YY1: variants seen among roughly 807,000 people sequenced by gnomAD.
YY1 encodes YY1 transcription factor.
A neutral mutation model predicts 35.6 loss-of-function variants in YY1; 2 were observed. The observed-to-expected ratio is 0.06, with a 90% CI of 0.02 to 0.18. YY1 has a LOEUF of 0.18. YY1 is among the 10% of genes least tolerant of loss of function. The pLI is 1.00. For missense variants in YY1, 322 were observed against 573.4 expected, an observed-to-expected ratio of 0.56 and a Z score of 4.48; for synonymous variants, 268 against 238.9, an observed-to-expected ratio of 1.12 and a Z score of -1.12.
chr14:100,252,251 T>C (rs761388106), intron 1 of YY1, among the ~76,000 whole-genome samples: 2 of 152,230 alleles, frequency 1.3e-5, no homozygotes, highest in African/African-American at 4.8e-5. Flanking sequence ...GTCTACAAAC[T>C]CAGTCTTATG....
intron 1 of YY1, among the ~76,000 whole-genome samples, chr14:100,257,001 C>T (rs1017005339): frequency 1.3e-4 from 19 of 151,526 alleles, no homozygotes; most frequent in Non-Finnish European, 2.9e-5. Flanking sequence ...TTTTTGGTTT[C>T]TGATTCTGAA....
intron 1 of YY1, among the ~76,000 whole-genome samples, chr14:100,259,507 G>A (rs890424550): frequency 1.3e-5 from 2 of 151,322 alleles, no homozygotes; most frequent in African/African-American, 4.9e-5. Context: ...GTGACAGAGC[G>A]AGACTCCGTC....
rs1291937231 is a variant in YY1 at position 100,274,681 on chromosome 14, CTT to C, written c.843-13_843-12del. Reference sequence around the variant, plus strand: ...CACTCCTACAAATCTGTCTGTCTCTCTTTTTCTTTTGATAAGAATGAAGCCAA... The same window carrying C: ...CACTCCTACAAATCTGTCTGTCTCTCTTTCTTTTGATAAGAATGAAGCCAA... On this transcript the variant is annotated splice_polypyrimidine_tract_variant and intron_variant, in intron 2 of 4. Transcript: ENST00000262238. 1 of 1,610,512 alleles carries C rather than the reference CTT, an allele frequency of 6.2e-7. No homozygotes were observed. Among genetic ancestry groups the C allele is most frequent in the Non-Finnish European group, 8.5e-7 (1 of 1,176,802 alleles).
chr14:100,241,319 T>C (rs1267190527), intron 1 of YY1, among the ~76,000 whole-genome samples: 1 of 152,172 alleles, frequency 6.6e-6, no homozygotes, highest in African/African-American at 2.4e-5. Flanking sequence ...TATGGTGACC[T>C]TTGAGTATTA....
chr14:100,241,240 C>T (rs1278202408), intron 1 of YY1, among the ~76,000 whole-genome samples: 1 of 152,168 alleles, frequency 6.6e-6, no homozygotes, highest in African/African-American at 2.4e-5. Flanking sequence ...TCCATATAAG[C>T]GGTGGAACCT....
intron 2 of YY1, among the ~76,000 whole-genome samples, chr14:100,268,195 G>A (rs1891182416): frequency 6.6e-6 from 1 of 152,180 alleles, no homozygotes; most frequent in South Asian, 2.1e-4. Flanking sequence ...CTGTGCACTG[G>A]GGTGATGGGG....
chr14:100,251,785 CTCTT>C (rs1298873657), intron 1 of YY1, among the ~76,000 whole-genome samples: 2 of 152,058 alleles, frequency 1.3e-5, no homozygotes, highest in East Asian at 1.9e-4. Context: ...CCCTTTGCTT[CTCTT>C]TCTTCTCTTT....
chr14:100,257,571 T>C lies in YY1; in HGVS notation c.680-4733T>C, dbSNP rs1163613840. Among the ~76,000 whole-genome samples, 36 of 150,704 alleles carry C rather than the reference T, an allele frequency of 2.4e-4. 1 individual carries two copies. Among genetic ancestry groups the C allele is most frequent in the Non-Finnish European group, 5.9e-5 (4 of 68,036 alleles). Reference sequence around the variant, plus strand: ...ACCCTAATGCATGGGATTAGTGCCCTATAAAAGAGACTCCAGAGTGCTAGC... The same window carrying C: ...ACCCTAATGCATGGGATTAGTGCCCCATAAAAGAGACTCCAGAGTGCTAGC... On this transcript the variant is annotated intron_variant, in intron 1 of 4. Transcript: ENST00000262238.
intron 1 of YY1, among the ~76,000 whole-genome samples, chr14:100,242,308 C>T (rs1890759180): frequency 6.6e-6 from 1 of 151,096 alleles, no homozygotes; most frequent in Non-Finnish European, 1.5e-5. Context: ...AGGGGCTTGA[C>T]TGATGGAAGT....
intron 2 of YY1, among the ~76,000 whole-genome samples, chr14:100,269,406 C>T (rs1204288927): frequency 2.6e-5 from 4 of 152,172 alleles, no homozygotes; most frequent in Non-Finnish European, 5.9e-5. Flanking sequence ...CCCATACTGC[C>T]TCATTCATAA....
At chr14:100,254,815 C>T (rs1274964182) in intron 1 of YY1, among the ~76,000 whole-genome samples, 11 of 150,304 alleles carry the variant, frequency 7.3e-5, no homozygotes, top group South Asian at 6.3e-4. Context: ...CAGTGTCGCC[C>T]GGGCTAGAGT....
intron 1 of YY1, among the ~76,000 whole-genome samples, chr14:100,261,840 G>C (rs1050153775): frequency 6.6e-6 from 1 of 152,140 alleles, no homozygotes; most frequent in Non-Finnish European, 1.5e-5. Flanking sequence ...GGAAATGTGT[G>C]TGGTGTGAGT....
At chr14:100,272,696 G>A (rs1891259753) in intron 2 of YY1, among the ~76,000 whole-genome samples, 1 of 151,262 alleles carries the variant, frequency 6.6e-6, no homozygotes, top group Non-Finnish European at 1.5e-5. Context: ...GTGTATAAGT[G>A]GTTTTTGGTT....
intron 2 of YY1, among the ~76,000 whole-genome samples, chr14:100,273,060 G>C (rs61992954): frequency 0.049 from 7,315 of 150,208 alleles, 202 homozygotes; most frequent in African/African-American, 0.061. Context: ...CTCTCTGGCT[G>C]AAGCAATTCT....
chr14:100,276,460 G>C lies in YY1; in HGVS notation c.904-30G>C. The stretch of plus-strand genomic sequence containing the variant: ...AATCCTTTCTAACAGTTTGCAATGT[G>C]AACTTCTAAGCTGCTTTCTCTGTTT... On this transcript the variant is annotated intron_variant, in intron 3 of 4. Transcript: ENST00000262238. The surrounding 1 kb of genome is among the most constrained non-coding windows in gnomAD (Gnocchi z 4.1). 1 of 1,614,112 alleles carries C rather than the reference G, an allele frequency of 6.2e-7. No individual in the cohort carries two copies. The highest frequency in any genetic ancestry group is 2.2e-5 in the East Asian group (1 of 44,888).
chr14:100,241,776 A>G (rs973960292), intron 1 of YY1, among the ~76,000 whole-genome samples: 2 of 152,102 alleles, frequency 1.3e-5, no homozygotes, highest in South Asian at 2.1e-4. Context: ...GGAGTTCGAG[A>G]CCAGCTGGCC....
chr14:100,241,425 C>T (rs1890739975), intron 1 of YY1, among the ~76,000 whole-genome samples: 1 of 151,962 alleles, frequency 6.6e-6, no homozygotes, highest in Non-Finnish European at 1.5e-5. Context: ...CAAGATGAGA[C>T]AACTACAGCT....
intron 1 of YY1, 89 bp downstream of exon 1, chr14:100,240,012 C>T (rs1890703604): frequency 1.5e-6 from 2 of 1,303,886 alleles, no homozygotes; most frequent in South Asian, 1.6e-5. Flanking sequence ...CCGCCATCTT[C>T]TTCGCCAGGG....
chr14:100,282,628 C>T lies in YY1; in HGVS notation c.*5028C>T, dbSNP rs969726670. The T allele has an allele frequency of 6.6e-6, 1 of 152,058 alleles. No homozygotes were observed. The highest frequency in any genetic ancestry group is 1.5e-5 in the Non-Finnish European group (1 of 68,006). 9.4% of individuals were successfully genotyped at this position (152,058 alleles called of 1,614,324 possible). On this transcript the variant is annotated 3_prime_UTR_variant, in exon 5 of 5. Coordinates refer to ENST00000262238, the MANE Select transcript of YY1 (RefSeq NM_003403.5). ...TTTCTGGAATTGTCCTTGGTTTTTC[C>T]TTAGCTCATAGGTCATAGATGCAGA...
Sources: allele counts gnomAD v4.1 joint callset (sites outside exome capture counted in the v4.1 genomes callset), GRCh38; gene constraint gnomAD v4.1.1; non-coding constraint Gnocchi (gnomAD v3.1); transcripts MANE v1.5; gene names NCBI Gene and HGNC (gene_info 2026-07-23, HGNC 2026-07-21).